Variants in GAPVD1 observed in about 807,000 individuals in gnomAD.
GAPVD1 encodes the protein GTPase activating protein and VPS9 domains 1.
A neutral mutation model predicts 155.5 loss-of-function variants in GAPVD1; 35 were observed. The ratio of observed to expected loss-of-function variants is 0.23; its 90% CI spans 0.17 to 0.30. The LOEUF (loss-of-function observed/expected upper bound fraction) is 0.30. Among genes scored for constraint, GAPVD1 ranks in the 10% least tolerant of loss-of-function variants. The probability of loss-of-function intolerance (pLI) is 1.00; values close to 1 mark genes in which losing one functional copy is unlikely to be tolerated. For synonymous variants in GAPVD1, 636 were observed against 619.7 expected, an observed-to-expected ratio of 1.03 and a Z score of -0.39; for missense variants, 1,429 against 1,775.7, an observed-to-expected ratio of 0.80 and a Z score of 3.51.
chr9:125,285,579 C>T (rs544439770), intron 2 of GAPVD1, among the ~76,000 whole-genome samples: 17 of 150,240 alleles, frequency 1.1e-4, no homozygotes, highest in Admixed American at 8.7e-4. Flanking sequence ...CTTGCCTCAG[C>T]CTCCCGAATA....
chr9:125,289,417 G>A (rs2132435466), intron 2 of GAPVD1, among the ~76,000 whole-genome samples: 1 of 152,250 alleles, frequency 6.6e-6, no homozygotes, highest in East Asian at 1.9e-4. Context: ...GGGACAGGAT[G>A]GTAGCAGTAA....
intron 25 of GAPVD1, among the ~76,000 whole-genome samples, chr9:125,357,739 C>T (rs972982215): frequency 5.3e-5 from 8 of 152,058 alleles, no homozygotes; most frequent in Non-Finnish European, 7.4e-5. Flanking sequence ...TTTGGGAGGC[C>T]GAGGCAGGTG....
chr9:125,345,232 G>T (rs1014238802), intron 19 of GAPVD1, among the ~76,000 whole-genome samples: 4 of 151,092 alleles, frequency 2.6e-5, no homozygotes, highest in African/African-American at 9.8e-5. Context: ...CCAGGATGGA[G>T]TGCAGTGGCG....
intron 3 of GAPVD1, among the ~76,000 whole-genome samples, chr9:125,297,096 G>A (rs1483681315): frequency 1.3e-5 from 2 of 152,308 alleles, no homozygotes; most frequent in Middle Eastern, 3.4e-3. Flanking sequence ...CAAGGGCATA[G>A]CTTAAATAAT....
chr9:125,345,758 T>A (rs1191228274), intron 19 of GAPVD1: 1 of 152,188 alleles, frequency 6.6e-6, no homozygotes, highest in East Asian at 1.9e-4. Context: ...TGTAAGGTAC[T>A]TAGCACAGTT....
chr9:125,287,974 A>G (rs1310046828), intron 2 of GAPVD1: 1 of 152,088 alleles, frequency 6.6e-6, no homozygotes, highest in Non-Finnish European at 1.5e-5. Context: ...TCCTGACCTC[A>G]AGTGATCCGC....
chr9:125,273,258 C>G (rs540418669), intron 2 of GAPVD1, among the ~76,000 whole-genome samples: 106 of 152,268 alleles, frequency 7.0e-4, no homozygotes, highest in Middle Eastern at 3.4e-3. Flanking sequence ...ATGTTATTTG[C>G]TTCCTCTGGG....
intron 2 of GAPVD1, among the ~76,000 whole-genome samples, chr9:125,292,513 C>A (rs1225840914): frequency 6.6e-6 from 1 of 152,002 alleles, no homozygotes; most frequent in Non-Finnish European, 1.5e-5. Flanking sequence ...TTGCCTCAGC[C>A]TCCTGAGTAG....
chr9:125,345,284 G>A (rs1848365017), intron 19 of GAPVD1, among the ~76,000 whole-genome samples: 1 of 151,608 alleles, frequency 6.6e-6, no homozygotes, highest in Admixed American at 6.6e-5. Flanking sequence ...GGGTTCAAGT[G>A]ATTCTTCTGC....
chr9:125,309,410 C>G (rs1455771726), intron 8 of GAPVD1: 1 of 152,150 alleles, frequency 6.6e-6, no homozygotes, highest in Non-Finnish European at 1.5e-5. Context: ...TCTTGGCTCA[C>G]TGCAACCTCT....
chr9:125,306,233 G>T (rs891252108), intron 6 of GAPVD1, among the ~76,000 whole-genome samples: 2 of 151,650 alleles, frequency 1.3e-5, no homozygotes. Flanking sequence ...GCGTGATCTC[G>T]GCTCACTGTT....
intron 8 of GAPVD1, chr9:125,308,118 CTTTCTTTA>C: frequency 1.8e-6 from 1 of 558,360 alleles, no homozygotes; most frequent in Non-Finnish European, 3.1e-6. Context: ...CCACAGTATA[CTTTCTTTA>C]AATTTTATTG....
chr9:125,332,102 T>C, intron 14 of GAPVD1, 42 bp downstream of exon 14: 1 of 1,578,592 alleles, frequency 6.3e-7, no homozygotes, highest in Non-Finnish European at 8.7e-7. Flanking sequence ...TTGAAGGTGT[T>C]CACCCCCTAC....
intron 2 of GAPVD1, among the ~76,000 whole-genome samples, chr9:125,271,661 C>T (rs977040345): frequency 2.0e-5 from 3 of 152,146 alleles, no homozygotes; most frequent in African/African-American, 7.2e-5. Context: ...AGCGATTCTC[C>T]TGCCTCAGCC....
intron 10 of GAPVD1, among the ~76,000 whole-genome samples, chr9:125,322,798 A>T (rs1015275280): frequency 6.6e-6 from 1 of 152,066 alleles, no homozygotes; most frequent in African/African-American, 2.4e-5. Context: ...CATGCCTCTA[A>T]TCCCAGCACT....
chr9:125,323,219 G>A (rs980545047), intron 10 of GAPVD1, among the ~76,000 whole-genome samples: 1 of 151,814 alleles, frequency 6.6e-6, no homozygotes, highest in African/African-American at 2.4e-5. Flanking sequence ...CAATTCCCCT[G>A]CCTCAGCCTC....
intron 23 of GAPVD1, among the ~76,000 whole-genome samples, chr9:125,354,324 T>G (rs1384733036): frequency 6.6e-6 from 1 of 152,136 alleles, no homozygotes; most frequent in Non-Finnish European, 1.5e-5. Flanking sequence ...AAGTATGAGG[T>G]CCTATAGCTC....
In GAPVD1 at chr9:125,299,020, T is replaced by C. The variant is rs1210815940; in HGVS notation, c.99T>C (p.Asp33=). Residue 33 remains aspartate, a synonymous_variant, in exon 4 of 28, where the codon GAT becomes GAC. Transcript: ENST00000297933. The part of the protein sequence containing the change: ...EKQLIQRLNA[D]VLKTAEKLYR... ...AGCTCATTCAGAGGCTCAATGCAGATGTACTTAAGACAGCTGAAAAGTTGT... is the reference window on the plus strand; with the variant it reads ...AGCTCATTCAGAGGCTCAATGCAGACGTACTTAAGACAGCTGAAAAGTTGT... The C allele has an allele frequency of 1.9e-6, 3 of 1,611,702 alleles. No homozygotes were observed. The African/African-American group carries it at 4.0e-5, about 22-fold the overall frequency.
At chr9:125,309,753 C>T (rs375007169) in intron 8 of GAPVD1, among the ~76,000 whole-genome samples, 31 of 152,164 alleles carry the variant, frequency 2.0e-4, no homozygotes, top group South Asian at 1.9e-3. Context: ...TTTCATTTCC[C>T]GTTATCCAAA....
Sources: allele counts gnomAD v4.1 joint callset (sites outside exome capture counted in the v4.1 genomes callset), GRCh38; gene constraint gnomAD v4.1.1; transcripts MANE v1.5; gene names NCBI Gene and HGNC (gene_info 2026-07-23, HGNC 2026-07-21).